The following EIF3E variants were observed in gnomAD, a reference collection of about 807,000 sequenced individuals.
EIF3E encodes eIF-3 p48.
A neutral mutation model predicts 59.3 loss-of-function variants in EIF3E; 25 were observed. The ratio of observed to expected loss-of-function variants is 0.42; its 90% CI spans 0.31 to 0.59. EIF3E has a LOEUF of 0.59. Among genes scored for constraint, EIF3E ranks in the 20% least tolerant of loss-of-function variants. The probability of loss-of-function intolerance (pLI) is 0.15; values close to 1 mark genes in which losing one functional copy is unlikely to be tolerated. For synonymous variants in EIF3E, 176 were observed against 170.2 expected, an observed-to-expected ratio of 1.03 and a Z score of -0.26; for missense variants, 317 against 534.3, an observed-to-expected ratio of 0.59 and a Z score of 4.01.
In EIF3E at chr8:108,240,045, G is replaced by T. The variant is rs1815805957; in HGVS notation, c.236C>A (p.Ala79Glu). The change falls in exon 3 of 13, where the codon GCA (alanine) becomes GAA (glutamate). Residue 79 changes from alanine to glutamate, a missense_variant. By Grantham distance (107) the Ala-to-Glu change is moderately radical (BLOSUM62 -1). Transcript: ENST00000220849. ...ALREKRTTVVAQLKQLQAETE... is the reference protein window; with the variant it reads ...ALREKRTTVVEQLKQLQAETE... ...TTCTGCCTGAAGCTGTTTCAGTTGT[G>T]CAACCACTGTGGTTCTTTTCTCTCT... The T allele has an allele frequency of 6.2e-7, 1 of 1,613,854 alleles. No homozygotes were observed. The highest frequency in any genetic ancestry group is 1.3e-5 in the African/African-American group (1 of 74,902).
At position 108,203,082 on chromosome 8, in the gene EIF3E, G is replaced by C. The variant is rs751776888; in HGVS notation, c.1200C>G (p.Pro400=). Residue 400 remains proline (P), a synonymous_variant, in exon 12 of 13, where the codon CCC becomes CCG. Coordinates refer to ENST00000220849, the MANE Select transcript of EIF3E (RefSeq NM_001568.3). ...TGGTCTTTTCAATCACTTGCTGATA[G>C]GGTGAGACTGCATTGTTACCCATAA... ...HVVMGNNAVS[P]YQQVIEKTKS... 1 of 1,612,652 alleles carries C rather than the reference G, an allele frequency of 6.2e-7. No individual in the cohort carries two copies. Among genetic ancestry groups the C allele is most frequent in the African/African-American group, 1.3e-5 (1 of 74,836 alleles).
chr8:108,201,601 A>C lies in EIF3E; in HGVS notation c.*284T>G. The C allele has an allele frequency of 4.4e-6, 1 of 228,654 alleles. No individual in the cohort carries two copies. The highest frequency in any genetic ancestry group is 8.6e-6 in the Non-Finnish European group (1 of 116,642). The allele number at this position is 228,654 out of a possible 1,614,324, so 14.2% of individuals were successfully genotyped here. A position where few individuals can be genotyped will look rare whatever the true frequency, so the allele number is the denominator to read the frequency against. Reference sequence around the variant, plus strand: ...TTTGATACTGTACCATAGTAAGACAAAGTGAAAAAATTGAGGGAAACAGGG... The same window carrying C: ...TTTGATACTGTACCATAGTAAGACACAGTGAAAAAATTGAGGGAAACAGGG... On this transcript the variant is annotated 3_prime_UTR_variant, in exon 13 of 13. Coordinates refer to ENST00000220849, the MANE Select transcript of EIF3E (RefSeq NM_001568.3).
Position 108,241,898 on chromosome 8 carries a change from C to T in EIF3E, c.106G>A (p.Glu36Lys), listed in dbSNP as rs1290845082. Residue 36 changes from glutamate (E) to lysine (K), a missense_variant, in exon 2 of 13, where the codon GAA becomes AAA. Glu to Lys is a moderately conservative substitution (Grantham distance 56, BLOSUM62 1). Transcript: ENST00000220849. ...AGGTCCAATTTACCTTGTAATAATT[C>T]CTTTTCATTATATATCTGCAAAAGA... ...LSVKEIYNEK[E>K]LLQGKLDLLS... 6.3e-7 allele frequency: 1 copy of T among 1,584,570 alleles called. No homozygotes were observed. The highest frequency in any genetic ancestry group is 2.3e-5 in the East Asian group (1 of 44,416).
chr8:108,239,269 G>A (rs899790196), intron 3 of EIF3E, among the ~76,000 whole-genome samples: 6 of 152,054 alleles, frequency 3.9e-5, no homozygotes, highest in African/African-American at 7.2e-5. Flanking sequence ...TGCAACCTCC[G>A]CCTCCCGGGC....
At chr8:108,226,876 G>C (rs890227148) in intron 7 of EIF3E, among the ~76,000 whole-genome samples, 2 of 152,140 alleles carry the variant, frequency 1.3e-5, no homozygotes, top group Non-Finnish European at 2.9e-5. Context: ...TCAGATTTTG[G>C]AGGATATCAG....
chr8:108,247,403 G>A (rs1815967848), intron 1 of EIF3E, among the ~76,000 whole-genome samples: 1 of 152,060 alleles, frequency 6.6e-6, no homozygotes, highest in Non-Finnish European at 1.5e-5. Flanking sequence ...TTTACTCAAG[G>A]TCTAAAATAC....
chr8:108,201,770 T>C lies in EIF3E; in HGVS notation c.*115A>G. On this transcript the variant is annotated 3_prime_UTR_variant, in exon 13 of 13. Transcript: ENST00000220849. ...AAATGAATCAATTTTATTCCAATTC[T>C]TCAAAATTTATACGTAATATGTTGT... 1 of 879,952 alleles carries C rather than the reference T, an allele frequency of 1.1e-6. No individual in the cohort carries two copies. Among genetic ancestry groups the C allele is most frequent in the Non-Finnish European group, 1.6e-6 (1 of 636,940 alleles). The allele number at this position is 879,952 out of a possible 1,614,324, so 54.5% of individuals were successfully genotyped here. A position where few individuals can be genotyped will look rare whatever the true frequency, so the allele number is the denominator to read the frequency against.
chr8:108,203,987 A>G (rs1465804644), intron 10 of EIF3E, among the ~76,000 whole-genome samples: 2 of 152,114 alleles, frequency 1.3e-5, no homozygotes, highest in Admixed American at 6.6e-5. Flanking sequence ...CCAATACAGT[A>G]TAACACCTAT....
rs561231528 is a variant in EIF3E at position 108,217,291 on chromosome 8, T to C, written c.849+43A>G. On this transcript the variant is annotated intron_variant, in intron 8 of 12. Coordinates refer to ENST00000220849, the MANE Select transcript of EIF3E (RefSeq NM_001568.3). The stretch of plus-strand genomic sequence containing the variant: ...TAGAAAAAGAGGTTAGACCTAAAGC[T>C]TAGGTATTTAAAAAAAAAAATCAAT... 5.6e-4 allele frequency: 783 copies of C among 1,407,186 alleles called. 10 individuals are homozygous for C. In the South Asian group the frequency reaches 9.9e-3, roughly 18 times the overall value. The allele number at this position is 1,407,186 out of a possible 1,614,324, so 87.2% of individuals were successfully genotyped here.
At chr8:108,242,582 T>A in intron 1 of EIF3E, 18 of 1,159,126 alleles carry the variant, frequency 1.6e-5, no homozygotes, top group South Asian at 8.9e-5. Flanking sequence ...GAAAGAAAAA[T>A]CCAAGAAAAT....
chr8:108,237,338 G>A (rs1162530801), intron 3 of EIF3E, among the ~76,000 whole-genome samples: 3 of 151,950 alleles, frequency 2.0e-5, no homozygotes, highest in African/African-American at 4.8e-5. Context: ...TGCCACCTCC[G>A]CCTCCCGGGT....
intron 10 of EIF3E, among the ~76,000 whole-genome samples, chr8:108,209,307 G>GA (rs1360328296): frequency 1.3e-5 from 2 of 151,940 alleles, no homozygotes; most frequent in East Asian, 1.9e-4. Context: ...GTATTCAGTG[G>GA]AAAAAAGTCT....
chr8:108,209,251 A>T (rs1017388605), intron 10 of EIF3E, among the ~76,000 whole-genome samples: 5 of 152,152 alleles, frequency 3.3e-5, no homozygotes, highest in Non-Finnish European at 7.4e-5. Context: ...TTAAAGGCAA[A>T]AATAAGCCAG....
rs74608730 is a variant in EIF3E at position 108,221,999 on chromosome 8, T to C, written c.723-4539A>G. Among the ~76,000 whole-genome samples the C allele has an allele frequency of 2.0e-5, 3 of 152,272 alleles. No individual in the cohort carries two copies. The East Asian group carries it at 5.8e-4, about 29-fold the overall frequency. On this transcript the variant is annotated intron_variant, in intron 7 of 12. Coordinates refer to ENST00000220849, the MANE Select transcript of EIF3E (RefSeq NM_001568.3). ...CTGTGGGCCAGATTTTAGCCCATGGTCCATAGTTTGCAGATCCTTGGTATA... is the reference window on the plus strand; with the variant it reads ...CTGTGGGCCAGATTTTAGCCCATGGCCCATAGTTTGCAGATCCTTGGTATA...
intron 5 of EIF3E, among the ~76,000 whole-genome samples, chr8:108,232,671 G>A (rs1815645868): frequency 6.6e-6 from 1 of 152,108 alleles, no homozygotes; most frequent in South Asian, 2.1e-4. Context: ...GCTTTTTGTA[G>A]CAGTGTAGCA....
chr8:108,207,668 AAT>A lies in EIF3E; in HGVS notation c.1062-4167_1062-4166del, dbSNP rs1472230043. Reference sequence around the variant, plus strand: ...GTAGGCAGCTTAAGGTAGATACTTAAATATGTTCTGTAAATCCTTTATAAATA... The same window carrying A: ...GTAGGCAGCTTAAGGTAGATACTTAAATGTTCTGTAAATCCTTTATAAATA... On this transcript the variant is annotated intron_variant, in intron 10 of 12. Coordinates refer to ENST00000220849, the MANE Select transcript of EIF3E (RefSeq NM_001568.3). Among the ~76,000 whole-genome samples, 5 of 152,310 alleles carry A rather than the reference AAT, an allele frequency of 3.3e-5. No homozygotes were observed. In the East Asian group the frequency reaches 9.6e-4, roughly 29 times the overall value.
chr8:108,203,185 C>G (rs1335113915), intron 11 of EIF3E, 68 bp from the exon 12 acceptor site: 2 of 1,544,184 alleles, frequency 1.3e-6, no homozygotes, highest in African/African-American at 1.4e-5. Context: ...AAGTAAAAAG[C>G]ATGACATACC....
Position 108,235,076 on chromosome 8 carries a change from G to C in EIF3E, c.393C>G (p.Leu131=), listed in dbSNP as rs373892757. Residue 131 remains leucine (L), a synonymous_variant, in exon 5 of 13, where the codon CTC becomes CTG. Coordinates refer to ENST00000220849, the MANE Select transcript of EIF3E (RefSeq NM_001568.3). Reference sequence around the variant, plus strand: ...CGTACTGGAATTTTGCATATCTGTAGAGTGTATCTAAATATTCCTGCCTAA... The same window carrying C: ...CGTACTGGAATTTTGCATATCTGTACAGTGTATCTAAATATTCCTGCCTAA... ...HGFRQEYLDT[L]YRYAKFQYEC... is the part of the protein sequence containing the mutation. 3 of 1,573,002 alleles carry C rather than the reference G, an allele frequency of 1.9e-6. No individual in the cohort carries two copies. The highest frequency in any genetic ancestry group is 2.6e-6 in the Non-Finnish European group (3 of 1,165,792).
Position 108,212,640 on chromosome 8 carries a change from A to G in EIF3E, c.1061+1967T>C, listed in dbSNP as rs1358897937. ...AACATGGTGAAACCCCATCTCTACT[A>G]AAAGCACAAAAATTAGCTGGGCGTG... On this transcript the variant is annotated intron_variant, in intron 10 of 12. Transcript: ENST00000220849. 2.0e-5 allele frequency among the ~76,000 whole-genome samples: 3 copies of G among 152,288 alleles called. No homozygotes were observed. In the East Asian group the frequency reaches 5.8e-4, roughly 29 times the overall value.
Sources: allele counts gnomAD v4.1 joint callset (sites outside exome capture counted in the v4.1 genomes callset), GRCh38; gene constraint gnomAD v4.1.1; transcripts MANE v1.5; gene names NCBI Gene and HGNC (gene_info 2026-07-23, HGNC 2026-07-21).